Variants in EIF3L observed in about 807,000 individuals in gnomAD.
The protein encoded by EIF3L is eukaryotic translation initiation factor 3 subunit L.
In EIF3L, 32 loss-of-function variants were observed where a neutral mutation model predicts 74.6. The observed-to-expected ratio is 0.43, with a 90% CI of 0.32 to 0.58. EIF3L has a LOEUF of 0.58. Ranked by LOEUF, EIF3L falls within the 20% of genes least tolerant of loss-of-function variation. EIF3L has a pLI of 0.06. For missense variants in EIF3L, 474 were observed against 707.8 expected (o/e 0.67, Z 3.75); for synonymous variants, 256 against 254.4 (o/e 1.01, Z -0.06).
At chr22:37,859,349 C>G (rs953197550) in intron 5 of EIF3L, among the ~76,000 whole-genome samples, 9 of 134,516 alleles carry the variant, frequency 6.7e-5, no homozygotes, top group Admixed American at 1.6e-4. Flanking sequence ...TTCCCGACTT[C>G]TAAATTATAG....
At chr22:37,861,758 T>C (rs1369935432) in intron 5 of EIF3L, among the ~76,000 whole-genome samples, 3 of 152,110 alleles carry the variant, frequency 2.0e-5, no homozygotes, top group African/African-American at 7.2e-5. Context: ...ATGCTAAGAA[T>C]CTAGCCATTA....
In EIF3L at chr22:37,883,999, G is replaced by A. The variant is rs548614634; in HGVS notation, c.1576-2766G>A. ...ACAGTGTTTTGCAACCATCTCCACT[G>A]TCTAATTCCAAAACATTTCTGTCCC... On this transcript the variant is annotated intron_variant, in intron 11 of 12. Transcript: ENST00000652021. The A allele has an allele frequency of 2.0e-5, 3 of 152,232 alleles. No individual in the cohort carries two copies. The East Asian group carries it at 5.8e-4, about 29-fold the overall frequency. 9.4% of individuals were successfully genotyped at this position (152,232 alleles called of 1,614,324 possible). A position where few individuals can be genotyped will look rare whatever the true frequency, so the allele number is the denominator to read the frequency against.
At chr22:37,860,850 A>G (rs1381347548) in intron 5 of EIF3L, among the ~76,000 whole-genome samples, 3 of 152,142 alleles carry the variant, frequency 2.0e-5, no homozygotes, top group South Asian at 2.1e-4. Flanking sequence ...ACATAGTTTC[A>G]TCAGGTCACT....
intron 10 of EIF3L, chr22:37,877,279 C>T (rs764111748): frequency 1.9e-4 from 35 of 184,666 alleles, no homozygotes; most frequent in Non-Finnish European, 3.4e-4. Context: ...ATATGTGGCC[C>T]ATGGCCCGTT....
chr22:37,873,385 G>A (rs1354021772), intron 8 of EIF3L, among the ~76,000 whole-genome samples: 1 of 149,640 alleles, frequency 6.7e-6, no homozygotes, highest in Admixed American at 6.8e-5. Flanking sequence ...TGCAAGCTCC[G>A]CCTCCCGGGT....
In EIF3L at chr22:37,859,201, C is replaced by T. The variant is rs138970648; in HGVS notation, c.435+461C>T. 8.3e-3 allele frequency among the ~76,000 whole-genome samples: 1,262 copies of T among 151,702 alleles called. 15 individuals carry two copies. The highest frequency in any genetic ancestry group is 0.011 in the Non-Finnish European group (764 of 67,976). ...TACTATCAATCGTGCAAAGTTGGTA[C>T]CCGAGGTGCCAAGAGGTTACCTTTT... On this transcript the variant is annotated intron_variant, in intron 5 of 12. Coordinates refer to ENST00000652021, the MANE Select transcript of EIF3L (RefSeq NM_016091.4).
At chr22:37,858,139 G>A (rs773261361) in intron 4 of EIF3L, among the ~76,000 whole-genome samples, 2 of 150,806 alleles carry the variant, frequency 1.3e-5, no homozygotes, top group African/African-American at 2.4e-5. Flanking sequence ...TCATATCACT[G>A]CACTCCAACC....
chr22:37,863,669 GC>G (rs1925984453), intron 7 of EIF3L, among the ~76,000 whole-genome samples: 1 of 152,164 alleles, frequency 6.6e-6, no homozygotes, highest in African/African-American at 2.4e-5. Context: ...CTTGGGTGCT[GC>G]CACCTGCTGG....
At chr22:37,881,235 T>A (rs760613619) in intron 11 of EIF3L, 1 of 152,080 alleles carries the variant, frequency 6.6e-6, no homozygotes. Flanking sequence ...GAGATTTTCA[T>A]TTTTATTTAT....
intron 3 of EIF3L, among the ~76,000 whole-genome samples, chr22:37,854,478 G>A (rs1183127984): frequency 6.6e-6 from 1 of 152,028 alleles, no homozygotes. Context: ...TTTGTTTTTT[G>A]TTTTTTGAGA....
At chr22:37,851,688 C>T (rs1280536138) in intron 3 of EIF3L, 198 bp downstream of exon 3, 9 of 485,200 alleles carry the variant, frequency 1.9e-5, no homozygotes, top group African/African-American at 7.8e-5. Context: ...TTTTTTGAAA[C>T]GGAGTGTCAC....
intron 5 of EIF3L, among the ~76,000 whole-genome samples, chr22:37,862,651 C>T (rs1340185613): frequency 2.0e-5 from 3 of 152,194 alleles, no homozygotes; most frequent in Non-Finnish European, 2.9e-5. Context: ...TCAAGTGCCA[C>T]GATTTAACTT....
In EIF3L at chr22:37,874,463, C is replaced by A. The variant is rs1372967848; in HGVS notation, c.845C>A (p.Ser282Tyr). ...FSLVGLLRLHSLLGDYYQAIK... is the reference protein window; with the variant it reads ...FSLVGLLRLHYLLGDYYQAIK... ...CTGGTCGGGCTTCTCCGCCTGCACT[C>A]CCTGTTAGGAGATTACTACCAGGCC... The change falls in exon 9 of 13, where the codon TCC (serine) becomes TAC (tyrosine). Residue 282 changes from serine (S) to tyrosine (Y), a missense_variant. Ser to Tyr is a moderately radical substitution (Grantham distance 144). Transcript: ENST00000652021. The A allele has an allele frequency of 1.2e-6, 2 of 1,614,026 alleles. No individual in the cohort carries two copies. Among genetic ancestry groups the A allele is most frequent in the Non-Finnish European group, 1.7e-6 (2 of 1,180,022 alleles).
chr22:37,863,789 G>T (rs1925993034), intron 7 of EIF3L, among the ~76,000 whole-genome samples: 1 of 151,972 alleles, frequency 6.6e-6, no homozygotes, highest in Non-Finnish European at 1.5e-5. Context: ...GGTCAGGCCG[G>T]GCGCGGTGAC....
chr22:37,866,767 C>G (rs1253421132), intron 7 of EIF3L, among the ~76,000 whole-genome samples: 1 of 151,844 alleles, frequency 6.6e-6, no homozygotes, highest in African/African-American at 2.4e-5. Context: ...GCCTGGGTGA[C>G]AAAGCAAGAC....
chr22:37,858,788 C>G (rs371066887), intron 5 of EIF3L, 48 bp downstream of exon 5: 11 of 1,516,576 alleles, frequency 7.3e-6, no homozygotes, highest in Middle Eastern at 1.7e-4. Context: ...GTTTTTTTAA[C>G]TCTGTGCTGT....
At position 37,874,407 on chromosome 22, in the gene EIF3L, C is replaced by T. The variant is rs1249069926; in HGVS notation, c.789C>T (p.His263=). 3 of 1,614,090 alleles carry T rather than the reference C, an allele frequency of 1.9e-6. No homozygotes were observed. Residue 263 remains histidine, a synonymous_variant, in exon 9 of 13, where the codon CAC becomes CAT. Transcript: ENST00000652021. The part of the protein sequence containing the change: ...PESVAGEYGR[H]SLYKMLGYFS... Reference sequence around the variant, plus strand: ...GTGTGGCTGGGGAGTATGGGCGGCACTCCCTCTACAAAATGCTTGGTTACT... The same window carrying T: ...GTGTGGCTGGGGAGTATGGGCGGCATTCCCTCTACAAAATGCTTGGTTACT...
intron 11 of EIF3L, chr22:37,884,506 C>T (rs1927219167): frequency 6.6e-6 from 1 of 151,852 alleles, no homozygotes; most frequent in Admixed American, 6.6e-5. Flanking sequence ...AAAATAAATA[C>T]TCTCATTTCA....
intron 7 of EIF3L, among the ~76,000 whole-genome samples, chr22:37,865,006 C>T (rs1017893875): frequency 1.3e-5 from 2 of 152,152 alleles, no homozygotes; most frequent in Non-Finnish European, 1.5e-5. Flanking sequence ...TACACGTTGC[C>T]TGTTGATTGT....
Sources: allele counts gnomAD v4.1 joint callset (sites outside exome capture counted in the v4.1 genomes callset), GRCh38; gene constraint gnomAD v4.1.1; transcripts MANE v1.5; gene names NCBI Gene and HGNC (gene_info 2026-07-23, HGNC 2026-07-21).